Variants in SHLD1 observed in about 807,000 individuals in gnomAD.
SHLD1 encodes the protein RINN1-REV7-interacting novel NHEJ regulator 3.
A neutral mutation model predicts 5.5 loss-of-function variants in SHLD1; 3 were observed. That is an observed-to-expected ratio of 0.54 (90% CI 0.25 to 1.40). The LOEUF is 1.40. Ranked by LOEUF, SHLD1 falls within the 40% of genes most tolerant of loss-of-function variation. The pLI, the probability that SHLD1 is intolerant of heterozygous loss-of-function variation, is 0.15. For synonymous variants in SHLD1, 92 were observed against 94.3 expected (o/e 0.98, Z 0.14); for missense variants, 210 against 244.4 (o/e 0.86, Z 0.94).
rs1985245689 is a variant in SHLD1, at chr20:5,772,899, T to A, written c.34T>A (p.Ser12Thr). 1.2e-6 allele frequency: 2 copies of A among 1,613,846 alleles called. No individual in the cohort carries two copies. Among genetic ancestry groups the A allele is most frequent in the Non-Finnish European group, 1.7e-6 (2 of 1,179,932 alleles). Residue 12 changes from serine to threonine, a missense_variant, in exon 2 of 3, where the codon TCA becomes ACA. Ser to Thr is a moderately conservative substitution (Grantham distance 58, BLOSUM62 1). Coordinates refer to ENST00000303142, the MANE Select transcript of SHLD1 (RefSeq NM_152504.4). Reference protein sequence around the residue: ...AARDATSGSLSEESSALDLPS... With the variant: ...AARDATSGSLTEESSALDLPS... ...CAGGGACGCCACTTCAGGCAGCCTG[T>A]CAGAGGAGAGCAGTGCTTTGGACCT...
intron 2 of SHLD1, among the ~76,000 whole-genome samples, chr20:5,788,776 A>G (rs551275948): frequency 3.7e-4 from 56 of 152,322 alleles, no homozygotes; most frequent in African/African-American, 1.3e-3. Context: ...ATAATTTGAA[A>G]TCTTTTTTCA....
At chr20:5,856,469 G>C (rs75369538) in intron 2 of SHLD1, among the ~76,000 whole-genome samples, 3 of 151,974 alleles carry the variant, frequency 2.0e-5, no homozygotes, top group African/African-American at 7.2e-5. Context: ...CAGTAGTGAG[G>C]GGGTAGAAGA....
At chr20:5,822,329 G>T (rs1170782043) in intron 2 of SHLD1, among the ~76,000 whole-genome samples, 1 of 152,002 alleles carries the variant, frequency 6.6e-6, no homozygotes, top group African/African-American at 2.4e-5. Flanking sequence ...CGTGGTGACG[G>T]GTGCCTGTAG....
chr20:5,801,792 C>T (rs2087298106), intron 2 of SHLD1, among the ~76,000 whole-genome samples: 1 of 152,042 alleles, frequency 6.6e-6, no homozygotes, highest in Non-Finnish European at 1.5e-5. Context: ...GATTCCCCCG[C>T]CCCCCGTATC....
intron 2 of SHLD1, among the ~76,000 whole-genome samples, chr20:5,813,321 C>T (rs1390073362): frequency 6.6e-6 from 1 of 151,654 alleles, no homozygotes; most frequent in Non-Finnish European, 1.5e-5. Flanking sequence ...AACCCTGTCT[C>T]TACTAAAAAT....
At chr20:5,823,640 G>A (rs1011174802) in intron 2 of SHLD1, among the ~76,000 whole-genome samples, 1 of 151,708 alleles carries the variant, frequency 6.6e-6, no homozygotes, top group African/African-American at 2.4e-5. Flanking sequence ...TAGAGACAGG[G>A]TTTCACCATG....
At chr20:5,830,263 C>T (rs2087712403) in intron 2 of SHLD1, among the ~76,000 whole-genome samples, 1 of 152,120 alleles carries the variant, frequency 6.6e-6, no homozygotes, top group Non-Finnish European at 1.5e-5. Flanking sequence ...GTGTTCACAT[C>T]ACGGAATACT....
rs557011729 is a variant in SHLD1, at chr20:5,769,690, T to C, written c.-4-3172T>C. Reference sequence around the variant, plus strand: ...ATTGTACTATAGTCACCCTTCTTTTTGTGGTGATGTGAGATGATGAAATGC... The same window carrying C: ...ATTGTACTATAGTCACCCTTCTTTTCGTGGTGATGTGAGATGATGAAATGC... On this transcript the variant is annotated intron_variant, in intron 1 of 2. Transcript: ENST00000303142. Among the ~76,000 whole-genome samples the C allele has an allele frequency of 7.2e-5, 11 of 152,212 alleles. No individual in the cohort carries two copies. The South Asian group carries it at 2.3e-3, about 32-fold the overall frequency.
intron 1 of SHLD1, among the ~76,000 whole-genome samples, chr20:5,768,115 C>T (rs1028100256): frequency 6.6e-6 from 1 of 151,764 alleles, no homozygotes; most frequent in African/African-American, 2.4e-5. Flanking sequence ...GCTGGGATTA[C>T]AGGTGTGTGC....
chr20:5,769,927 C>A (rs1308222554), intron 1 of SHLD1, among the ~76,000 whole-genome samples: 1 of 151,086 alleles, frequency 6.6e-6, no homozygotes, highest in Non-Finnish European at 1.5e-5. Context: ...TCGCTTGAAC[C>A]CAGGAGGCGG....
intron 1 of SHLD1, among the ~76,000 whole-genome samples, chr20:5,760,378 A>ATG (rs1203565196): frequency 4.6e-5 from 7 of 151,198 alleles, no homozygotes; most frequent in East Asian, 3.9e-4. Flanking sequence ...TGGCTTCTGT[A>ATG]TGTGTGTGTG....
At chr20:5,764,156 A>G (rs868069726) in intron 1 of SHLD1, among the ~76,000 whole-genome samples, 1 of 45,838 alleles carries the variant, frequency 2.2e-5, no homozygotes, top group African/African-American at 8.5e-5. Context: ...ATATATTTAT[A>G]TTTATATATA....
chr20:5,863,133 G>C lies in SHLD1; in HGVS notation c.288G>C (p.Arg96=), dbSNP rs766661059. ...QSEKEEDDGL[R]KSLDRFYEMF... ...AGAAGGAAGAGGATGATGGCCTTCG[G>C]AAATCCCTGGATAGATTCTATGAAA... The change falls in exon 3 of 3, where the codon CGG becomes CGC. Residue 96 remains arginine (R), a synonymous_variant. Coordinates refer to ENST00000303142, the MANE Select transcript of SHLD1 (RefSeq NM_152504.4). The C allele has an allele frequency of 6.2e-7, 1 of 1,614,168 alleles. No homozygotes were observed. Among genetic ancestry groups the C allele is most frequent in the Non-Finnish European group, 8.5e-7 (1 of 1,180,018 alleles).
At chr20:5,767,200 T>C (rs915106399) in intron 1 of SHLD1, among the ~76,000 whole-genome samples, 3 of 152,096 alleles carry the variant, frequency 2.0e-5, no homozygotes, top group African/African-American at 7.2e-5. Context: ...AGTGGCACAA[T>C]CTCGCATCAC....
At chr20:5,851,901 A>G (rs1313448485) in intron 2 of SHLD1, among the ~76,000 whole-genome samples, 1 of 151,688 alleles carries the variant, frequency 6.6e-6, no homozygotes, top group African/African-American at 2.4e-5. Flanking sequence ...CCTGAGTAGT[A>G]TTGTGTTTGG....
chr20:5,799,125 C>A (rs1053041446), intron 2 of SHLD1, among the ~76,000 whole-genome samples: 15 of 152,090 alleles, frequency 9.9e-5, no homozygotes, highest in African/African-American at 3.4e-4. Context: ...ATCACCTGAG[C>A]CTGGGAGGCG....
intron 2 of SHLD1, among the ~76,000 whole-genome samples, chr20:5,826,445 C>CA (rs77355613): frequency 0.033 from 4,001 of 122,374 alleles, 127 homozygotes; most frequent in African/African-American, 0.092. Flanking sequence ...TATGCACTGT[C>CA]AAAAAAAAAA....
intron 2 of SHLD1, among the ~76,000 whole-genome samples, chr20:5,820,522 A>G (rs2087594821): frequency 6.6e-6 from 1 of 152,232 alleles, no homozygotes; most frequent in Non-Finnish European, 1.5e-5. Context: ...GTGATAGAAC[A>G]CCCAAGAAAC....
At chr20:5,849,890 C>T (rs1185735376) in intron 2 of SHLD1, among the ~76,000 whole-genome samples, 1 of 141,210 alleles carries the variant, frequency 7.1e-6, no homozygotes, top group Non-Finnish European at 1.5e-5. Context: ...ACCCGGGAAG[C>T]GGAGCTTGCA....
Sources: gnomAD v4.1 joint callset for allele counts (sites outside exome capture counted in the v4.1 genomes callset) on GRCh38, gnomAD v4.1.1 for gene constraint, MANE v1.5 for transcripts, NCBI Gene and HGNC (gene_info 2026-07-23, HGNC 2026-07-21) for gene names.